PRKCH: variants seen among roughly 807,000 people sequenced by gnomAD.
The protein encoded by PRKCH is protein kinase C eta type.
A neutral mutation model predicts 82.5 loss-of-function variants in PRKCH; 28 were observed. That is an observed-to-expected ratio of 0.34 (90% CI 0.25 to 0.47). The LOEUF is 0.47. Among genes scored for constraint, PRKCH ranks in the 20% least tolerant of loss-of-function variants. The probability of loss-of-function intolerance (pLI) is 1.00; values close to 1 mark genes in which losing one functional copy is unlikely to be tolerated. For missense variants in PRKCH, 705 were observed against 881.8 expected (o/e 0.80, Z 2.54); for synonymous variants, 322 against 327.4 (o/e 0.98, Z 0.18).
In PRKCH at chr14:61,550,587, A is replaced by G. The variant is rs2043312532; in HGVS notation, c.*756A>G. The G allele has an allele frequency of 6.6e-6, 1 of 152,654 alleles. No individual in the cohort carries two copies. Among genetic ancestry groups the G allele is most frequent in the Non-Finnish European group, 1.5e-5 (1 of 68,044 alleles). 9.5% of individuals were successfully genotyped at this position (152,654 alleles called of 1,614,324 possible). On this transcript the variant is annotated 3_prime_UTR_variant, in exon 14 of 14. Transcript: ENST00000332981. ...ACCTGAATGGTGTTTGCATTCTGTGAAATGCCTCTCCACGTTGCATATGTC... is the reference window on the plus strand; with the variant it reads ...ACCTGAATGGTGTTTGCATTCTGTGGAATGCCTCTCCACGTTGCATATGTC...
intron 1 of PRKCH, among the ~76,000 whole-genome samples, chr14:61,286,910 A>C (rs969745136): frequency 2.0e-5 from 3 of 151,322 alleles, no homozygotes; most frequent in African/African-American, 4.9e-5. Flanking sequence ...GGATGGCCAG[A>C]TTAAAAGACA....
intron 1 of PRKCH, among the ~76,000 whole-genome samples, chr14:61,384,440 G>T (rs1410526891): frequency 1.3e-5 from 2 of 150,862 alleles, no homozygotes; most frequent in African/African-American, 2.5e-5. Flanking sequence ...TGTGGGGTCT[G>T]GGAATCTTAT....
intron 6 of PRKCH, chr14:61,452,677 A>G (rs1884566827): frequency 6.5e-6 from 1 of 154,034 alleles, no homozygotes; most frequent in Non-Finnish European, 1.4e-5. Context: ...GGCTCACAGG[A>G]TGCCCATCTC....
intron 1 of PRKCH, among the ~76,000 whole-genome samples, chr14:61,221,526 C>T (rs2044655941): frequency 6.6e-6 from 1 of 151,802 alleles, no homozygotes; most frequent in Non-Finnish European, 1.5e-5. Flanking sequence ...TCCTTTGCTC[C>T]TCTTTGTCGT....
At chr14:61,266,647 T>A (rs2045104139) in intron 1 of PRKCH, among the ~76,000 whole-genome samples, 1 of 152,094 alleles carries the variant, frequency 6.6e-6, no homozygotes, top group Non-Finnish European at 1.5e-5. Flanking sequence ...CAAAGACAGA[T>A]GGAAACTTGT....
intron 1 of PRKCH, among the ~76,000 whole-genome samples, chr14:61,212,945 C>T (rs1179666543): frequency 6.6e-6 from 1 of 152,102 alleles, no homozygotes; most frequent in Admixed American, 6.5e-5. Flanking sequence ...CATAAAATAT[C>T]CTTACAGATC....
chr14:61,297,567 G>T (rs2140102061), intron 1 of PRKCH, among the ~76,000 whole-genome samples: 2 of 152,326 alleles, frequency 1.3e-5, no homozygotes, highest in Admixed American at 1.3e-4. Context: ...GGGAGGAGAT[G>T]CTTTCAGGAT....
intron 1 of PRKCH, among the ~76,000 whole-genome samples, chr14:61,220,863 TTTTA>T (rs2044650665): frequency 6.6e-6 from 1 of 152,096 alleles, no homozygotes; most frequent in African/African-American, 2.4e-5. Context: ...AAAGTTTAAT[TTTTA>T]TTTATTCCTG....
intron 9 of PRKCH, among the ~76,000 whole-genome samples, chr14:61,465,873 T>C (rs551220393): frequency 6.6e-6 from 1 of 152,344 alleles, no homozygotes; most frequent in African/African-American, 2.4e-5. Flanking sequence ...GTATTGTTTA[T>C]TGCACGTGAT....
chr14:61,388,426 G>C (rs2046623059), intron 1 of PRKCH, among the ~76,000 whole-genome samples: 1 of 152,208 alleles, frequency 6.6e-6, no homozygotes, highest in Admixed American at 6.5e-5. Flanking sequence ...CTGTCTGTCA[G>C]AGTAGCTCCT....
chr14:61,251,437 A>G (rs1456609188), intron 1 of PRKCH, among the ~76,000 whole-genome samples: 1 of 152,198 alleles, frequency 6.6e-6, no homozygotes, highest in Non-Finnish European at 1.5e-5. Context: ...CCCACAAATA[A>G]GTCAGATCAC....
At chr14:61,206,611 C>G (rs1409179588) in intron 1 of PRKCH, among the ~76,000 whole-genome samples, 4 of 152,158 alleles carry the variant, frequency 2.6e-5, no homozygotes, top group Non-Finnish European at 5.9e-5. Flanking sequence ...ACTTCCATGT[C>G]TTTCCATCCA....
chr14:61,408,496 C>T (rs899589309), intron 2 of PRKCH, among the ~76,000 whole-genome samples: 1 of 152,038 alleles, frequency 6.6e-6, no homozygotes, highest in Non-Finnish European at 1.5e-5. Context: ...TAGGGGAGGA[C>T]CATCAGTTTT....
At chr14:61,234,940 A>G (rs566408879) in intron 1 of PRKCH, among the ~76,000 whole-genome samples, 23 of 152,300 alleles carry the variant, frequency 1.5e-4, no homozygotes, top group African/African-American at 5.5e-4. Flanking sequence ...TTTTATTGGC[A>G]TTTTGTGTCC....
intron 1 of PRKCH, among the ~76,000 whole-genome samples, chr14:61,230,316 A>C (rs1423052242): frequency 6.6e-6 from 1 of 152,136 alleles, no homozygotes; most frequent in Admixed American, 6.5e-5. Context: ...TTTGGTCTCG[A>C]TGTCACTTAA....
chr14:61,362,446 T>C (rs2046240124), intron 1 of PRKCH, among the ~76,000 whole-genome samples: 1 of 152,062 alleles, frequency 6.6e-6, no homozygotes, highest in Non-Finnish European at 1.5e-5. Context: ...ATTATTTGAA[T>C]GTTTTGCTAT....
At position 61,478,906 on chromosome 14, in the gene PRKCH, G is replaced by A. The variant is rs76199492; in HGVS notation, c.1279-6596G>A. On this transcript the variant is annotated intron_variant, in intron 9 of 13. Coordinates refer to ENST00000332981, the MANE Select transcript of PRKCH (RefSeq NM_006255.5). ...TGTGTATTTTAGCTGAAATTCTCCT[G>A]GTAGCAGAAAATTTACTTCAGGTAG... 2.2e-4 allele frequency among the ~76,000 whole-genome samples: 33 copies of A among 152,184 alleles called. 3 individuals carry two copies. In the East Asian group the frequency reaches 6.4e-3, roughly 29 times the overall value.
At chr14:61,300,399 C>A (rs890079530) in intron 1 of PRKCH, among the ~76,000 whole-genome samples, 1 of 152,140 alleles carries the variant, frequency 6.6e-6, no homozygotes, top group Admixed American at 6.6e-5. Flanking sequence ...TTATTGAGCA[C>A]CTGCTAAGCC....
intron 1 of PRKCH, among the ~76,000 whole-genome samples, chr14:61,209,076 T>C (rs1339266301): frequency 6.6e-6 from 1 of 152,274 alleles, no homozygotes; most frequent in South Asian, 2.1e-4. Flanking sequence ...GGCTTTGCTA[T>C]TGAGAGAGTG....
Sources: allele counts gnomAD v4.1 joint callset (sites outside exome capture counted in the v4.1 genomes callset), GRCh38; gene constraint gnomAD v4.1.1; transcripts MANE v1.5; gene names NCBI Gene and HGNC (gene_info 2026-07-23, HGNC 2026-07-21).